The following OTUD7A variants were observed in gnomAD, a reference collection of about 807,000 sequenced individuals.
The protein encoded by OTUD7A is OTU domain-containing protein 7A.
A neutral mutation model predicts 65.7 loss-of-function variants in OTUD7A; 12 were observed. The ratio of observed to expected loss-of-function variants is 0.18; its 90% CI spans 0.12 to 0.30. The LOEUF (loss-of-function observed/expected upper bound fraction) is 0.30, where lower values mean the gene tolerates loss of function less well. OTUD7A is among the 10% of genes least tolerant of loss of function. OTUD7A has a pLI of 1.00. For synonymous variants in OTUD7A, 641 were observed against 586.3 expected (o/e 1.09, Z -1.35); for missense variants, 1,148 against 1,304.8 (o/e 0.88, Z 1.85).
intron 1 of OTUD7A, among the ~76,000 whole-genome samples, chr15:31,748,880 G>A (rs76748961): frequency 6.6e-6 from 1 of 151,884 alleles, no homozygotes; most frequent in East Asian, 1.9e-4. Context: ...CCAGTGTAGG[G>A]CTCTTACAAA....
intron 12 of OTUD7A, among the ~76,000 whole-genome samples, chr15:31,485,346 G>T (rs536329770): frequency 1.3e-3 from 198 of 152,220 alleles, no homozygotes; most frequent in Non-Finnish European, 1.5e-3. Flanking sequence ...TTGATTCAGG[G>T]ATGCCAAATC....
chr15:31,599,186 C>T (rs1482469214), intron 3 of OTUD7A, among the ~76,000 whole-genome samples: 1 of 152,220 alleles, frequency 6.6e-6, no homozygotes, highest in Non-Finnish European at 1.5e-5. Flanking sequence ...TCAAGTGGGT[C>T]CCTGACCCCT....
intron 1 of OTUD7A, among the ~76,000 whole-genome samples, chr15:31,776,867 A>G (rs1157832706): frequency 1.3e-5 from 2 of 152,170 alleles, no homozygotes; most frequent in Non-Finnish European, 2.9e-5. Flanking sequence ...TCCTAACATT[A>G]ATCCCCAGCA....
chr15:31,596,979 C>A (rs1341668489), intron 3 of OTUD7A, among the ~76,000 whole-genome samples: 1 of 152,082 alleles, frequency 6.6e-6, no homozygotes, highest in Non-Finnish European at 1.5e-5. Context: ...GGCTGGAGTG[C>A]AGTGGCATGA....
At position 31,712,352 on chromosome 15, in the gene OTUD7A, C is replaced by A. The variant is rs141751294; in HGVS notation, c.-99-55275G>T. ...GAAGGGACTGCTTCATGTCCTGTCT[C>A]GGGCTTGGGGTCCGGCCACCGGAGG... On this transcript the variant is annotated intron_variant, in intron 1 of 12. Transcript: ENST00000307050. 9.4e-3 allele frequency among the ~76,000 whole-genome samples: 1,413 copies of A among 150,410 alleles called. 33 individuals carry two copies. The highest frequency in any genetic ancestry group is 0.015 in the Non-Finnish European group (1,040 of 67,762).
At chr15:31,652,188 T>C (rs1566961199) in intron 3 of OTUD7A, among the ~76,000 whole-genome samples, 1 of 152,186 alleles carries the variant, frequency 6.6e-6, no homozygotes. Context: ...TCCTTACAAA[T>C]ACCCTCAGTT....
At chr15:31,610,618 T>TATATATATA (rs1555401191) in intron 3 of OTUD7A, among the ~76,000 whole-genome samples, 5 of 11,846 alleles carry the variant, frequency 4.2e-4, no homozygotes, top group African/African-American at 2.0e-3. Context: ...TATATATATA[T>TATATATATA]TTTTTTTTTT....
chr15:31,503,479 C>T (rs1314357642), intron 9 of OTUD7A, among the ~76,000 whole-genome samples: 1 of 152,204 alleles, frequency 6.6e-6, no homozygotes, highest in Non-Finnish European at 1.5e-5. Flanking sequence ...CCAGATTTCT[C>T]CTGGCCACCT....
At chr15:31,695,514 T>A (rs527553945) in intron 1 of OTUD7A, among the ~76,000 whole-genome samples, 1 of 141,572 alleles carries the variant, frequency 7.1e-6, no homozygotes, top group African/African-American at 2.5e-5. Flanking sequence ...AGCAAAACTT[T>A]AGTTTATTAT....
At chr15:31,628,408 T>C (rs1891032912) in intron 3 of OTUD7A, among the ~76,000 whole-genome samples, 1 of 152,182 alleles carries the variant, frequency 6.6e-6, no homozygotes, top group Admixed American at 6.5e-5. Context: ...GTTGTAGATA[T>C]GTGGCATTAT....
rs374750346 is a variant in OTUD7A, at chr15:31,520,889, A to G, written c.893+5460T>C. Among the ~76,000 whole-genome samples the G allele has an allele frequency of 5.9e-5, 9 of 152,230 alleles. No homozygotes were observed. In the East Asian group the frequency reaches 9.6e-4, roughly 16 times the overall value. On this transcript the variant is annotated intron_variant, in intron 8 of 12. Transcript: ENST00000307050. Reference sequence around the variant, plus strand: ...AAAGATAGAAACCACCTAAGTGTCCATCAACGTAGGATTAGATAAAGAAAA... The same window carrying G: ...AAAGATAGAAACCACCTAAGTGTCCGTCAACGTAGGATTAGATAAAGAAAA...
chr15:31,632,912 A>G (rs985592066), intron 3 of OTUD7A, among the ~76,000 whole-genome samples: 16 of 152,108 alleles, frequency 1.1e-4, no homozygotes, highest in African/African-American at 3.6e-4. Flanking sequence ...TGGGCGTAGG[A>G]CCCTCCGAGC....
At chr15:31,586,948 G>A (rs1343467046) in intron 3 of OTUD7A, among the ~76,000 whole-genome samples, 3 of 151,972 alleles carry the variant, frequency 2.0e-5, no homozygotes, top group Admixed American at 1.3e-4. Flanking sequence ...CACATTGCCC[G>A]CCAGGGCTGC....
intron 1 of OTUD7A, among the ~76,000 whole-genome samples, chr15:31,819,308 T>C (rs929667544): frequency 2.6e-5 from 4 of 152,166 alleles, no homozygotes; most frequent in Admixed American, 2.0e-4. Flanking sequence ...ATGACACTTT[T>C]GGGGAAGCCT....
At chr15:31,517,819 A>C (rs955066192) in intron 8 of OTUD7A, among the ~76,000 whole-genome samples, 2 of 152,146 alleles carry the variant, frequency 1.3e-5, no homozygotes, top group Non-Finnish European at 2.9e-5. Flanking sequence ...CTCAGGCCCC[A>C]GGGAACAGTT....
intron 3 of OTUD7A, among the ~76,000 whole-genome samples, chr15:31,590,162 A>T (rs1889676279): frequency 6.6e-6 from 1 of 152,224 alleles, no homozygotes; most frequent in Non-Finnish European, 1.5e-5. Context: ...AGTGCAACAC[A>T]TACCTTTTCT....
At chr15:31,789,920 G>C (rs2140936066) in intron 1 of OTUD7A, among the ~76,000 whole-genome samples, 1 of 152,166 alleles carries the variant, frequency 6.6e-6, no homozygotes, top group Middle Eastern at 3.4e-3. Flanking sequence ...CACCAGCCTG[G>C]CCCTACCTGC....
chr15:31,584,890 C>A (rs1306806761), intron 3 of OTUD7A, among the ~76,000 whole-genome samples: 2 of 152,180 alleles, frequency 1.3e-5, no homozygotes, highest in Non-Finnish European at 2.9e-5. Flanking sequence ...TATGTGCCCT[C>A]TTGCTTCCTT....
At chr15:31,601,553 A>G (rs1388041198) in intron 3 of OTUD7A, among the ~76,000 whole-genome samples, 1 of 152,230 alleles carries the variant, frequency 6.6e-6, no homozygotes, top group Admixed American at 6.5e-5. Context: ...AAAGAACTAG[A>G]GAAGTAAGAG....
Sources: gnomAD v4.1 joint callset for allele counts (sites outside exome capture counted in the v4.1 genomes callset) on GRCh38, gnomAD v4.1.1 for gene constraint, MANE v1.5 for transcripts, NCBI Gene and HGNC (gene_info 2026-07-23, HGNC 2026-07-21) for gene names.